Variants in C10orf90 observed in about 807,000 individuals in gnomAD.
C10orf90 encodes the protein chromosome 10 open reading frame 90.
Under a neutral mutation model 62.5 loss-of-function variants are expected in C10orf90, and 56 were observed. That is an observed-to-expected ratio of 0.90 (90% CI 0.72 to 1.12). The LOEUF is 1.12. Among genes scored for constraint, C10orf90 ranks in the 50% most tolerant of loss-of-function variants. The pLI, the probability that C10orf90 is intolerant of heterozygous loss-of-function variation, is 0.00. For missense variants in C10orf90, 970 were observed against 880.4 expected (o/e 1.10, Z -1.29); for synonymous variants, 386 against 340.4 (o/e 1.13, Z -1.47).
chr10:126,617,701 C>T (rs1845569289), intron 2 of C10orf90, among the ~76,000 whole-genome samples: 1 of 152,204 alleles, frequency 6.6e-6, no homozygotes, highest in African/African-American at 2.4e-5. Flanking sequence ...AAACGAAAGC[C>T]CATGTCCTTG....
intron 3 of C10orf90, among the ~76,000 whole-genome samples, chr10:126,513,219 CAG>C (rs1863239446): frequency 1.3e-5 from 2 of 152,246 alleles, no homozygotes; most frequent in South Asian, 4.1e-4. Context: ...ACAAAAGCTC[CAG>C]AGCCAGGCAG....
Position 126,657,794 on chromosome 10 carries a change from T to G in C10orf90, c.241-11157A>C, listed in dbSNP as rs552160802. On this transcript the variant is annotated intron_variant, in intron 1 of 9. Transcript: ENST00000488181. Reference sequence around the variant, plus strand: ...TCACACCTGGCTAATTTTTGTATTTTTAGTAGAGACAGGGTTTCTCCATGT... The same window carrying G: ...TCACACCTGGCTAATTTTTGTATTTGTAGTAGAGACAGGGTTTCTCCATGT... Among the ~76,000 whole-genome samples, 144 of 152,176 alleles carry G rather than the reference T, an allele frequency of 9.5e-4. 5 individuals carry two copies. The South Asian group carries it at 0.025, about 27-fold the overall frequency.
rs748004833 is a variant in C10orf90 at position 126,504,086 on chromosome 10, CTG to C, written c.1403_1404del (p.Thr468ArgfsTer8). 1.5e-5 allele frequency: 25 copies of C among 1,614,002 alleles called. No homozygotes were observed. The highest frequency in any genetic ancestry group is 4.4e-5 in the South Asian group (4 of 91,078). ...TGGTTAGCTCCCACATTTGCCAATT[CTG>C]TGTTTTCCAATGGAAAAGAACCACT... ...PWSGSFPLEN[T>X]ELANVGANQV... On this transcript the variant is annotated frameshift_variant, in exon 4 of 10. Transcript: ENST00000488181. LOFTEE classifies it high-confidence loss of function. This position sits in a 1 kb window ranked among gnomAD's most constrained non-coding sequence, Gnocchi z 4.1.
At chr10:126,443,970 G>A (rs575924282) in intron 7 of C10orf90, among the ~76,000 whole-genome samples, 3 of 152,110 alleles carry the variant, frequency 2.0e-5, no homozygotes, top group Non-Finnish European at 2.9e-5. Flanking sequence ...GCAAAATCCA[G>A]CATCACTTTA....
intron 1 of C10orf90, among the ~76,000 whole-genome samples, chr10:126,649,069 TCTCCCCCCCC>T (rs1846235562): frequency 2.6e-5 from 1 of 37,916 alleles, no homozygotes; most frequent in African/African-American, 1.1e-4. Flanking sequence ...TCTCTCTCTC[TCTCCCCCCCC>T]CCCAGCAATT....
At chr10:126,451,859 T>C (rs1474839854) in intron 7 of C10orf90, among the ~76,000 whole-genome samples, 1 of 152,136 alleles carries the variant, frequency 6.6e-6, no homozygotes, top group African/African-American at 2.4e-5. Context: ...ATCTTACTTA[T>C]ATGTGAAATC....
At chr10:126,426,591 T>A (rs1857279154) in intron 8 of C10orf90, among the ~76,000 whole-genome samples, 1 of 152,126 alleles carries the variant, frequency 6.6e-6, no homozygotes, top group African/African-American at 2.4e-5. Context: ...AGTGTGTGTG[T>A]TTTTACCTCT....
intron 7 of C10orf90, among the ~76,000 whole-genome samples, chr10:126,431,645 C>A (rs577629995): frequency 6.6e-6 from 1 of 152,312 alleles, no homozygotes; most frequent in African/African-American, 2.4e-5. Context: ...CAGCAATCCT[C>A]ATGGGCTACT....
At chr10:126,594,108 CTTTT>C (rs5788794) in intron 2 of C10orf90, among the ~76,000 whole-genome samples, 3 of 132,058 alleles carry the variant, frequency 2.3e-5, no homozygotes. Context: ...ACCAGGCTTG[CTTTT>C]TTTTTTTTTT....
rs1207023777 is a variant in C10orf90 at position 126,565,395 on chromosome 10, T to TTA, written c.314-51458_314-51457dup. On this transcript the variant is annotated intron_variant, in intron 2 of 9. Transcript: ENST00000488181. ...TATATAATAATATATATTATATATA[T>TTA]TATATTATATATAATATATATTATA... 9.5e-5 allele frequency among the ~76,000 whole-genome samples: 7 copies of TTA among 74,034 alleles called. No individual in the cohort carries two copies. In the South Asian group the frequency reaches 1.3e-3, roughly 14 times the overall value. The allele number at this position is 74,034 out of a possible 152,430, so 48.6% of individuals were successfully genotyped here.
chr10:126,446,294 T>C (rs1038576078), intron 7 of C10orf90, among the ~76,000 whole-genome samples: 2 of 152,060 alleles, frequency 1.3e-5, no homozygotes, highest in Non-Finnish European at 2.9e-5. Flanking sequence ...AGGTTTCTAA[T>C]CATATTCAAC....
chr10:126,474,767 C>A (rs911679292), intron 4 of C10orf90, among the ~76,000 whole-genome samples: 4 of 152,198 alleles, frequency 2.6e-5, no homozygotes, highest in African/African-American at 9.7e-5. Flanking sequence ...GGAACTTTGG[C>A]AACGCCTGAC....
intron 5 of C10orf90, among the ~76,000 whole-genome samples, chr10:126,462,598 T>G (rs1227867183): frequency 1.3e-5 from 2 of 152,108 alleles, no homozygotes; most frequent in African/African-American, 4.8e-5. Flanking sequence ...AGCCTATGAC[T>G]CCGTCGAGGG....
chr10:126,468,056 C>T (rs1226510804), intron 4 of C10orf90, among the ~76,000 whole-genome samples: 2 of 151,632 alleles, frequency 1.3e-5, no homozygotes, highest in South Asian at 2.1e-4. Context: ...TATCAAAATT[C>T]TGACTAGCAA....
chr10:126,527,302 T>A (rs1863978187), intron 2 of C10orf90, among the ~76,000 whole-genome samples: 1 of 152,254 alleles, frequency 6.6e-6, no homozygotes, highest in South Asian at 2.1e-4. Context: ...TGCATTTCCC[T>A]AATGGCTAAT....
chr10:126,661,356 A>G (rs777401266), intron 1 of C10orf90, among the ~76,000 whole-genome samples: 1 of 152,216 alleles, frequency 6.6e-6, no homozygotes, highest in Non-Finnish European at 1.5e-5. Context: ...GCAACGCTAT[A>G]AGGCAGATAT....
intron 4 of C10orf90, among the ~76,000 whole-genome samples, chr10:126,484,555 G>A (rs1861329696): frequency 6.6e-6 from 1 of 152,158 alleles, no homozygotes; most frequent in Non-Finnish European, 1.5e-5. Context: ...AAAGTGTAGA[G>A]ATATATACAC....
At chr10:126,477,574 G>GA (rs1300659000) in intron 4 of C10orf90, among the ~76,000 whole-genome samples, 2 of 152,028 alleles carry the variant, frequency 1.3e-5, no homozygotes, top group Non-Finnish European at 1.5e-5. Flanking sequence ...GTTTCTTTAA[G>GA]AAAAAAACAA....
chr10:126,504,059 C>G lies in C10orf90; in HGVS notation c.1432G>C (p.Val478Leu), dbSNP rs774228449. 1.2e-6 allele frequency: 2 copies of G among 1,614,068 alleles called. No homozygotes were observed. Among genetic ancestry groups the G allele is most frequent in the Non-Finnish European group, 1.7e-6 (2 of 1,180,010 alleles). Residue 478 changes from valine (V) to leucine (L), a missense_variant, in exon 4 of 10, where the codon GTC (valine) becomes CTC (leucine). By Grantham distance (32) the Val-to-Leu change is conservative. Coordinates refer to ENST00000488181, the MANE Select transcript of C10orf90 (RefSeq NM_001350921.2). This position sits in a 1 kb window ranked among gnomAD's most constrained non-coding sequence, Gnocchi z 4.1. The part of the protein sequence containing the change: ...TELANVGANQ[V>L]TVRKGEKDHT... ...TCCTTTTCCCCTTTTCTTACAGTGA[C>G]TTGGTTAGCTCCCACATTTGCCAAT... is the stretch of plus-strand genomic sequence containing the variant.
Sources: allele counts gnomAD v4.1 joint callset (sites outside exome capture counted in the v4.1 genomes callset), GRCh38; gene constraint gnomAD v4.1.1; non-coding constraint Gnocchi (gnomAD v3.1); transcripts MANE v1.5; gene names NCBI Gene and HGNC (gene_info 2026-07-23, HGNC 2026-07-21).